Variants in ANTXR1 observed in about 807,000 individuals in gnomAD.
ANTXR1 encodes the protein ANTXR cell adhesion molecule 1.
In ANTXR1, 19 loss-of-function variants were observed where a neutral mutation model predicts 78.1. That is an observed-to-expected ratio of 0.24 (90% CI 0.17 to 0.36). ANTXR1 has a LOEUF of 0.36. Ranked by LOEUF, ANTXR1 falls within the 10% of genes least tolerant of loss-of-function variation. ANTXR1 has a pLI of 1.00. For synonymous variants in ANTXR1, 273 were observed against 260.5 expected (o/e 1.05, Z -0.46); for missense variants, 518 against 718.6 (o/e 0.72, Z 3.19).
At chr2:69,050,291 G>GT (rs1474436581) in intron 3 of ANTXR1, among the ~76,000 whole-genome samples, 2 of 151,168 alleles carry the variant, frequency 1.3e-5, no homozygotes, top group Non-Finnish European at 2.9e-5. Flanking sequence ...AGAGTGTGCT[G>GT]TATCAAAAAT....
chr2:69,094,068 T>C (rs1396019547), intron 9 of ANTXR1, among the ~76,000 whole-genome samples: 1 of 152,266 alleles, frequency 6.6e-6, no homozygotes, highest in African/African-American at 2.4e-5. Flanking sequence ...TGAAGATTTC[T>C]TGTTGACCAT....
chr2:69,141,780 G>C lies in ANTXR1; in HGVS notation c.952-10389G>C, dbSNP rs776078705. Among the ~76,000 whole-genome samples the C allele has an allele frequency of 2.7e-4, 41 of 152,272 alleles. 2 individuals are homozygous for C. Among genetic ancestry groups the C allele is most frequent in the South Asian group, 1.7e-3 (8 of 4,814 alleles). Reference sequence around the variant, plus strand: ...TCATGAATGAGTGATACTTTGCAATGGGCTGGTGTATGACAGTGAGGACCT... The same window carrying C: ...TCATGAATGAGTGATACTTTGCAATCGGCTGGTGTATGACAGTGAGGACCT... On this transcript the variant is annotated intron_variant, in intron 12 of 17. Coordinates refer to ENST00000303714, the MANE Select transcript of ANTXR1 (RefSeq NM_032208.3).
chr2:69,133,082 C>T (rs1429685332), intron 12 of ANTXR1, among the ~76,000 whole-genome samples: 1 of 151,980 alleles, frequency 6.6e-6, no homozygotes, highest in Non-Finnish European at 1.5e-5. Flanking sequence ...GAGTTACTTC[C>T]CAGTTACCTA....
At chr2:69,245,169 C>G in intron 17 of ANTXR1, 56 bp from the exon 18 acceptor site, 1 of 1,606,402 alleles carries the variant, frequency 6.2e-7, no homozygotes, top group Non-Finnish European at 8.5e-7. Context: ...CACAGCACCA[C>G]AGGCCCTGAT....
chr2:69,230,225 CATGA>C (rs1675557447), intron 17 of ANTXR1, among the ~76,000 whole-genome samples: 1 of 151,678 alleles, frequency 6.6e-6, no homozygotes, highest in Admixed American at 6.6e-5. Flanking sequence ...CAAAACATGC[CATGA>C]TTTTATATAG....
At chr2:69,074,005 A>G (rs989837082) in intron 6 of ANTXR1, among the ~76,000 whole-genome samples, 2 of 152,236 alleles carry the variant, frequency 1.3e-5, no homozygotes, top group Non-Finnish European at 2.9e-5. Context: ...ATATATATTC[A>G]TTCATTTATT....
intron 12 of ANTXR1, among the ~76,000 whole-genome samples, chr2:69,138,057 C>T (rs1257536292): frequency 9.4e-5 from 13 of 138,222 alleles, no homozygotes; most frequent in Admixed American, 3.9e-4. Flanking sequence ...GCACTCCAGC[C>T]GAGGCGACAA....
Position 69,112,322 on chromosome 2 carries a change from G to T in ANTXR1, c.802+9382G>T, listed in dbSNP as rs933841926. ...TCAGAGAGATGAAGTGCCCAAGTTC[G>T]CGCAGTTGGCAGGGGTGGAAAGGAC... On this transcript the variant is annotated intron_variant, in intron 10 of 17. Coordinates refer to ENST00000303714, the MANE Select transcript of ANTXR1 (RefSeq NM_032208.3). 3.9e-5 allele frequency among the ~76,000 whole-genome samples: 6 copies of T among 152,242 alleles called. No individual in the cohort carries two copies. The South Asian group carries it at 1.2e-3, about 32-fold the overall frequency.
At chr2:69,130,378 G>A (rs781153712) in intron 12 of ANTXR1, among the ~76,000 whole-genome samples, 5 of 152,180 alleles carry the variant, frequency 3.3e-5, no homozygotes, top group South Asian at 2.1e-4. Flanking sequence ...AACTTTGAGC[G>A]GATCCATGTC....
chr2:69,076,898 A>G (rs974407176), intron 7 of ANTXR1, among the ~76,000 whole-genome samples: 2 of 152,238 alleles, frequency 1.3e-5, no homozygotes, highest in East Asian at 3.8e-4. Flanking sequence ...TTCCTGCTAC[A>G]TAAAGCAGGA....
chr2:69,214,218 G>A (rs1448161230), intron 17 of ANTXR1, among the ~76,000 whole-genome samples: 2 of 152,250 alleles, frequency 1.3e-5, no homozygotes, highest in East Asian at 3.8e-4. Flanking sequence ...GGAAAACCAA[G>A]CCATTCCCTG....
At chr2:69,098,476 C>T (rs1023225557) in intron 9 of ANTXR1, among the ~76,000 whole-genome samples, 1 of 152,118 alleles carries the variant, frequency 6.6e-6, no homozygotes, top group Non-Finnish European at 1.5e-5. Flanking sequence ...GGAGAATATA[C>T]AGATGTCTCA....
Position 69,013,459 on chromosome 2 carries a change from C to A in ANTXR1, c.-41C>A, listed in dbSNP as rs1670926529. 5 of 1,579,082 alleles carry A rather than the reference C, an allele frequency of 3.2e-6. No individual in the cohort carries two copies. The highest frequency in any genetic ancestry group is 4.3e-6 in the Non-Finnish European group (5 of 1,164,844). On this transcript the variant is annotated 5_prime_UTR_variant, in exon 1 of 18. Transcript: ENST00000303714. This position sits in a 1 kb window ranked among gnomAD's most constrained non-coding sequence, Gnocchi z 5.0. ...TGAGGGTCGTGGCGAGTTCGCGGAG[C>A]GTGGGAAGGAGCGGACCCTGCTCTC...
At chr2:69,072,058 T>C (rs1670582524) in intron 5 of ANTXR1, among the ~76,000 whole-genome samples, 1 of 152,258 alleles carries the variant, frequency 6.6e-6, no homozygotes, top group Non-Finnish European at 1.5e-5. Flanking sequence ...GAGTTTTGCA[T>C]GTTGAATTCA....
At chr2:69,034,960 A>G (rs995003249) in intron 1 of ANTXR1, among the ~76,000 whole-genome samples, 2 of 152,166 alleles carry the variant, frequency 1.3e-5, no homozygotes, top group Admixed American at 1.3e-4. Flanking sequence ...CCAGGAGTCC[A>G]CTTAGGTCTT....
intron 12 of ANTXR1, among the ~76,000 whole-genome samples, chr2:69,130,946 GCTGA>G (rs1335497568): frequency 6.6e-6 from 1 of 152,164 alleles, no homozygotes; most frequent in Non-Finnish European, 1.5e-5. Context: ...TGGGTGGCAG[GCTGA>G]CTCTTTGCTA....
rs1675989683 is a variant in ANTXR1, at chr2:69,245,238, A to G, written c.1448A>G (p.Asn483Ser). The change falls in exon 18 of 18, where the codon AAC (asparagine) becomes AGC (serine). Residue 483 changes from asparagine (N) to serine (S), a missense_variant. Coordinates refer to ENST00000303714, the MANE Select transcript of ANTXR1 (RefSeq NM_032208.3). ...PQPGDTGRCI[N>S]FTRVKNNQPA... ...ATTCTTTTCTAGGGGCGCTGCATCAACTTCACCAGGGTCAAGAACAACCAG... is the reference window on the plus strand; with the variant it reads ...ATTCTTTTCTAGGGGCGCTGCATCAGCTTCACCAGGGTCAAGAACAACCAG... The G allele has an allele frequency of 1.9e-6, 3 of 1,613,928 alleles. No individual in the cohort carries two copies. The highest frequency in any genetic ancestry group is 2.5e-6 in the Non-Finnish European group (3 of 1,179,990).
intron 13 of ANTXR1, among the ~76,000 whole-genome samples, chr2:69,168,731 G>A (rs575375975): frequency 6.6e-6 from 1 of 152,172 alleles, no homozygotes; most frequent in Non-Finnish European, 1.5e-5. Context: ...TCCTGGACAG[G>A]AGCGATCCTC....
chr2:69,034,550 A>T (rs1332942492), intron 1 of ANTXR1, among the ~76,000 whole-genome samples: 1 of 152,158 alleles, frequency 6.6e-6, no homozygotes, highest in Non-Finnish European at 1.5e-5. Flanking sequence ...ACTGCATTTG[A>T]GTTAGGATTT....
Sources: allele counts gnomAD v4.1 joint callset (sites outside exome capture counted in the v4.1 genomes callset), GRCh38; gene constraint gnomAD v4.1.1; non-coding constraint Gnocchi (gnomAD v3.1); transcripts MANE v1.5; gene names NCBI Gene and HGNC (gene_info 2026-07-23, HGNC 2026-07-21).